The following PSG11 variants were observed in gnomAD, a reference collection of about 807,000 sequenced individuals.
The protein encoded by PSG11 is pregnancy-specific beta-1-glycoprotein 11.
PSG11 carries 42 observed loss-of-function variants against 36.0 expected under a neutral mutation model. That is an observed-to-expected ratio of 1.17 (90% confidence interval 0.91 to 1.51). The LOEUF is 1.51. Among genes scored for constraint, PSG11 ranks in the 40% most tolerant of loss-of-function variants. The pLI is 0.00. For missense variants in PSG11, 558 were observed against 403.5 expected (o/e 1.38, Z -3.28); for synonymous variants, 206 against 153.5 (o/e 1.34, Z -2.53).
At chr19:43,021,896 C>T (rs1967110262) in intron 2 of PSG11, among the ~76,000 whole-genome samples, 1 of 151,376 alleles carries the variant, frequency 6.6e-6, no homozygotes, top group Non-Finnish European at 1.5e-5. Context: ...TGAGTCAGTG[C>T]AGAGATTACA....
At chr19:43,025,936 C>CT (rs1195259262) in intron 1 of PSG11, among the ~76,000 whole-genome samples, 2,141 of 68,164 alleles carry the variant, frequency 0.031, 59 homozygotes, top group African/African-American at 0.052. Flanking sequence ...TTTTTTTTCT[C>CT]TTTTTTTTTT....
chr19:43,009,818 C>A, intron 5 of PSG11, 140 bp downstream of exon 5: 1 of 668,008 alleles, frequency 1.5e-6, no homozygotes, highest in Non-Finnish European at 2.6e-6. Flanking sequence ...AAGGGAACTG[C>A]AGGAATTAGT....
chr19:43,018,547 C>G, intron 3 of PSG11: 4 of 1,063,562 alleles, frequency 3.8e-6, no homozygotes, highest in Non-Finnish European at 4.0e-6. Flanking sequence ...CCATCACAAT[C>G]TGTGGACCCT....
rs1216683666 is a variant in PSG11, at chr19:43,014,809, C to A, written c.964+307G>T. On this transcript the variant is annotated intron_variant, in intron 4 of 5. Coordinates refer to ENST00000320078, the MANE Select transcript of PSG11 (RefSeq NM_002785.3). ...GGGATGAGTTGGTGACAGTGAGAAG[C>A]AACTCGATGTTCAGCACTCTCCTTC... 8 of 1,252,292 alleles carry A rather than the reference C, an allele frequency of 6.4e-6. No individual in the cohort carries two copies. The East Asian group carries it at 2.1e-4, about 33-fold the overall frequency. The allele number at this position is 1,252,292 out of a possible 1,614,324, so 77.6% of individuals were successfully genotyped here.
chr19:43,015,345 G>A lies in PSG11; in HGVS notation c.735C>T (p.Phe245=). 3 of 1,610,794 alleles carry A rather than the reference G, an allele frequency of 1.9e-6. No individual in the cohort carries two copies. Among genetic ancestry groups the A allele is most frequent in the Non-Finnish European group, 2.5e-6 (3 of 1,178,008 alleles). The change falls in exon 4 of 6, where the codon TTC becomes TTT. Residue 245 remains phenylalanine, a synonymous_variant. Transcript: ENST00000320078. ...LLHGPDLPRI[F]PSVTSYYSGE... ...CTGAATAGTAAGAGGTGACTGAAGGGAAAATTCTGGGGAGGTCTGGACCAT... is the reference window on the plus strand; with the variant it reads ...CTGAATAGTAAGAGGTGACTGAAGGAAAAATTCTGGGGAGGTCTGGACCAT...
Position 43,026,201 on chromosome 19 carries a change from T to A in PSG11, c.64+108A>T, listed in dbSNP as rs568085479. The A allele has an allele frequency of 9.0e-4, 1,371 of 1,523,364 alleles. 55 individuals carry two copies. The African/African-American group carries it at 0.017, about 19-fold the overall frequency. 94.4% of individuals were successfully genotyped at this position (1,523,364 alleles called of 1,614,324 possible). ...CGTGATCCACCCACCTCAGCCTCCCTAAATGCTGGCTTTTTTATTTTTTAG... is the reference window on the plus strand; with the variant it reads ...CGTGATCCACCCACCTCAGCCTCCCAAAATGCTGGCTTTTTTATTTTTTAG... On this transcript the variant is annotated intron_variant, in intron 1 of 5. Coordinates refer to ENST00000320078, the MANE Select transcript of PSG11 (RefSeq NM_002785.3).
At position 43,023,077 on chromosome 19, in the gene PSG11, G is replaced by T. The variant is rs895440420; in HGVS notation, c.430+1614C>A. ...ACTTCAGAGCCCCCAGGAACCAGCT[G>T]CCCCCAGTTCCACAGTCCAGGACCA... On this transcript the variant is annotated intron_variant, in intron 2 of 5. Coordinates refer to ENST00000320078, the MANE Select transcript of PSG11 (RefSeq NM_002785.3). Among the ~76,000 whole-genome samples, 62 of 150,876 alleles carry T rather than the reference G, an allele frequency of 4.1e-4. 3 individuals are homozygous for T. Among genetic ancestry groups the T allele is most frequent in the African/African-American group, 1.5e-3 (61 of 40,864 alleles).
chr19:43,013,406 A>C (rs1974121741), intron 4 of PSG11, among the ~76,000 whole-genome samples: 1 of 151,500 alleles, frequency 6.6e-6, no homozygotes, highest in South Asian at 2.1e-4. Context: ...CTACAAGTCA[A>C]CAACAGCAGA....
intron 2 of PSG11, among the ~76,000 whole-genome samples, chr19:43,020,477 T>A (rs1967076614): frequency 6.6e-6 from 1 of 151,296 alleles, no homozygotes; most frequent in South Asian, 2.1e-4. Flanking sequence ...GACCTCATGT[T>A]GTGTTCTGAC....
Position 43,018,877 on chromosome 19 carries a change from G to T in PSG11, c.602C>A (p.Thr201Asn), listed in dbSNP as rs1454561406. The T allele has an allele frequency of 2.5e-6, 4 of 1,612,038 alleles. No individual in the cohort carries two copies. The highest frequency in any genetic ancestry group is 2.2e-5 in the East Asian group (1 of 44,790). The change falls in exon 3 of 6, where the codon ACC becomes AAC. Residue 201 changes from threonine (T) to asparagine (N), a missense_variant. Transcript: ENST00000320078. ...HRMQLSETNR[T>N]LFLFGVTKYT... ...CTTTGTGACACCAAATAGAAAGAGGGTCCTGTTGGTTTCAGACAGCTGCAT... is the reference window on the plus strand; with the variant it reads ...CTTTGTGACACCAAATAGAAAGAGGTTCCTGTTGGTTTCAGACAGCTGCAT...
intron 5 of PSG11, among the ~76,000 whole-genome samples, chr19:43,009,417 T>A (rs1453555003): frequency 6.6e-6 from 1 of 151,276 alleles, no homozygotes; most frequent in Non-Finnish European, 1.5e-5. Context: ...CAGTTCTAAT[T>A]AGGATGGAGG....
Position 43,018,907 on chromosome 19 carries a change from T to A in PSG11, c.572A>T (p.His191Leu), listed in dbSNP as rs377058624. The A allele has an allele frequency of 6.2e-7, 1 of 1,612,086 alleles. No individual in the cohort carries two copies. The highest frequency in any genetic ancestry group is 2.2e-5 in the East Asian group (1 of 44,802). Residue 191 changes from histidine (H) to leucine (L), a missense_variant, in exon 3 of 6, where the codon CAT (histidine) becomes CTT (leucine). His to Leu is a moderately conservative substitution (Grantham distance 99). Transcript: ENST00000320078. ...GTTGGTTTCAGACAGCTGCATCCTA[T>A]GAGTCATAGGGAGGCTCTGACCATT... ...WMNGQSLPMTHRMQLSETNRT... is the reference protein window; with the variant it reads ...WMNGQSLPMTLRMQLSETNRT...
intron 3 of PSG11, 97 bp downstream of exon 3, chr19:43,018,673 C>T (rs1001517155): frequency 6.2e-7 from 1 of 1,606,264 alleles, no homozygotes; most frequent in Non-Finnish European, 8.5e-7. Context: ...TGGTAAAGGT[C>T]TCTGTACTTG....
chr19:43,018,151 C>T (rs2122809060), intron 3 of PSG11, among the ~76,000 whole-genome samples: 2 of 151,340 alleles, frequency 1.3e-5, no homozygotes, highest in African/African-American at 2.4e-5. Flanking sequence ...AGATTTGTTC[C>T]ACCAGTGGCT....
chr19:43,014,101 A>G (rs114868326), intron 4 of PSG11: 4,046 of 152,920 alleles, frequency 0.026, 292 homozygotes, highest in African/African-American at 0.094. Flanking sequence ...GGTGGGTGCT[A>G]AGTGTTAGGG....
At chr19:43,020,535 A>G (rs1167405470) in intron 2 of PSG11, among the ~76,000 whole-genome samples, 1 of 151,596 alleles carries the variant, frequency 6.6e-6, no homozygotes, top group African/African-American at 2.4e-5. Flanking sequence ...ATGTTTTCAT[A>G]AGTGGAAATT....
chr19:43,020,065 T>C (rs576746046), intron 2 of PSG11, among the ~76,000 whole-genome samples: 1 of 151,110 alleles, frequency 6.6e-6, no homozygotes, highest in Non-Finnish European at 1.5e-5. Flanking sequence ...TGAATCAGAG[T>C]GTAGAATAGT....
intron 2 of PSG11, among the ~76,000 whole-genome samples, chr19:43,022,570 TC>T (rs1967127494): frequency 6.6e-6 from 1 of 151,322 alleles, no homozygotes; most frequent in Non-Finnish European, 1.5e-5. Flanking sequence ...TTAAAATCTT[TC>T]TTTACTAAAA....
rs1044255932 is a variant in PSG11, at chr19:43,014,847, G to C, written c.964+269C>G. ...AGCACTCTCCTTCTTGTCCCTCTGT[G>C]AAGCCTCTTCTACCACATAGGGCTC... On this transcript the variant is annotated intron_variant, in intron 4 of 5. Coordinates refer to ENST00000320078, the MANE Select transcript of PSG11 (RefSeq NM_002785.3). 6.0e-6 allele frequency: 8 copies of C among 1,336,844 alleles called. No homozygotes were observed. The Admixed American group carries it at 1.2e-4, about 20-fold the overall frequency. The allele number at this position is 1,336,844 out of a possible 1,614,324, so 82.8% of individuals were successfully genotyped here. A position where few individuals can be genotyped will look rare whatever the true frequency, so the allele number is the denominator to read the frequency against.
Sources: allele counts gnomAD v4.1 joint callset (sites outside exome capture counted in the v4.1 genomes callset), GRCh38; gene constraint gnomAD v4.1.1; transcripts MANE v1.5; gene names NCBI Gene and HGNC (gene_info 2026-07-23, HGNC 2026-07-21).